SLIT3: variants seen among roughly 807,000 people sequenced by gnomAD.
SLIT3 encodes slit homolog 3 protein.
In SLIT3, 68 loss-of-function variants were observed where a neutral mutation model predicts 184.0. The ratio of observed to expected loss-of-function variants is 0.37; its 90% CI spans 0.30 to 0.45. The LOEUF (loss-of-function observed/expected upper bound fraction) is 0.45. Among genes scored for constraint, SLIT3 ranks in the 20% least tolerant of loss-of-function variants. The pLI, the probability that SLIT3 is intolerant of heterozygous loss-of-function variation, is 1.00. For synonymous variants in SLIT3, 831 were observed against 828.6 expected (o/e 1.00, Z -0.05); for missense variants, 1,707 against 2,026.0 (o/e 0.84, Z 3.02).
chr5:168,724,948 T>C (rs1763060847), intron 20 of SLIT3, among the ~76,000 whole-genome samples: 2 of 152,194 alleles, frequency 1.3e-5, no homozygotes, highest in African/African-American at 2.4e-5. Context: ...AACCCAGCTC[T>C]GACTGTAGTC....
At chr5:168,856,686 GCTC>G (rs1320793547) in intron 5 of SLIT3, among the ~76,000 whole-genome samples, 2 of 151,892 alleles carry the variant, frequency 1.3e-5, no homozygotes, top group Non-Finnish European at 2.9e-5. Flanking sequence ...CCACACCACT[GCTC>G]CTCCTTTTGC....
chr5:168,925,289 C>T (rs988234063), intron 4 of SLIT3, among the ~76,000 whole-genome samples: 10 of 152,140 alleles, frequency 6.6e-5, no homozygotes, highest in African/African-American at 1.4e-4. Flanking sequence ...GCAGAACTGA[C>T]GCACCAAGGG....
chr5:169,118,364 G>A (rs1232435752), intron 4 of SLIT3, among the ~76,000 whole-genome samples: 1 of 152,158 alleles, frequency 6.6e-6, no homozygotes, highest in East Asian at 1.9e-4. Flanking sequence ...TGCATTGGTT[G>A]GTCATCTTCT....
intron 4 of SLIT3, among the ~76,000 whole-genome samples, chr5:169,074,320 A>G (rs940080936): frequency 5.3e-5 from 8 of 152,086 alleles, no homozygotes; most frequent in African/African-American, 1.9e-4. Context: ...TTTTTAACGC[A>G]TTCCTTTTCT....
intron 4 of SLIT3, among the ~76,000 whole-genome samples, chr5:168,930,921 A>G (rs1197556859): frequency 6.6e-6 from 1 of 152,122 alleles, no homozygotes; most frequent in Non-Finnish European, 1.5e-5. Context: ...CCCAGTGAAG[A>G]TGAAACATCC....
At chr5:169,021,535 G>C (rs1756596450) in intron 4 of SLIT3, among the ~76,000 whole-genome samples, 1 of 152,088 alleles carries the variant, frequency 6.6e-6, no homozygotes, top group Non-Finnish European at 1.5e-5. Context: ...ATTTTTAGTA[G>C]AGACGGGGTT....
At chr5:169,168,784 T>C (rs937232252) in intron 4 of SLIT3, among the ~76,000 whole-genome samples, 7 of 152,182 alleles carry the variant, frequency 4.6e-5, no homozygotes, top group Non-Finnish European at 7.4e-5. Flanking sequence ...TGATGGCTGA[T>C]GGCTGAAGTC....
intron 4 of SLIT3, among the ~76,000 whole-genome samples, chr5:168,893,128 T>C (rs1293320693): frequency 6.6e-6 from 1 of 152,236 alleles, no homozygotes; most frequent in African/African-American, 2.4e-5. Flanking sequence ...AAAGATCTAA[T>C]TGAGTACCTG....
intron 4 of SLIT3, among the ~76,000 whole-genome samples, chr5:169,100,242 A>G (rs1394645452): frequency 6.6e-6 from 1 of 152,162 alleles, no homozygotes; most frequent in African/African-American, 2.4e-5. Context: ...GGGCCCAAGA[A>G]AACAGTGGTA....
In SLIT3 at chr5:168,712,189, C is replaced by T. The variant is rs948759683; in HGVS notation, c.2555+94G>A. The T allele has an allele frequency of 6.6e-6, 7 of 1,063,946 alleles. No homozygotes were observed. The Admixed American group carries it at 1.2e-4, about 18-fold the overall frequency. 65.9% of individuals were successfully genotyped at this position (1,063,946 alleles called of 1,614,324 possible). On this transcript the variant is annotated intron_variant, in intron 24 of 35. Coordinates refer to ENST00000519560, the MANE Select transcript of SLIT3 (RefSeq NM_003062.4). ...ATATACTGTATGCATAAGGAAAGGA[C>T]ATCTGCCAAAATGCTGACAGTGATG...
chr5:168,675,076 C>T (rs374548436), intron 32 of SLIT3, among the ~76,000 whole-genome samples: 5 of 152,250 alleles, frequency 3.3e-5, no homozygotes, highest in Admixed American at 2.6e-4. Context: ...CTCTTTCCAG[C>T]GCTCCACCCT....
At chr5:168,690,479 C>A (rs927389351) in intron 29 of SLIT3, among the ~76,000 whole-genome samples, 2 of 152,192 alleles carry the variant, frequency 1.3e-5, no homozygotes, top group African/African-American at 2.4e-5. Context: ...CCCGGGCATG[C>A]CCAGAGCACT....
intron 4 of SLIT3, among the ~76,000 whole-genome samples, chr5:169,155,177 A>G (rs1296948411): frequency 2.0e-5 from 3 of 152,210 alleles, no homozygotes; most frequent in African/African-American, 4.8e-5. Flanking sequence ...TGCGAGTCAG[A>G]TAGGGACCAA....
intron 5 of SLIT3, among the ~76,000 whole-genome samples, chr5:168,855,342 A>T (rs774216286): frequency 2.0e-5 from 3 of 152,274 alleles, no homozygotes; most frequent in Non-Finnish European, 4.4e-5. Flanking sequence ...TAGACTTACC[A>T]TATGACCCAG....
At chr5:168,791,397 G>A (rs556717317) in intron 10 of SLIT3, 2 of 152,372 alleles carry the variant, frequency 1.3e-5, no homozygotes, top group Non-Finnish European at 2.9e-5. Context: ...CGGTTTGGAG[G>A]TGCTGGAGAG....
chr5:169,108,353 G>T (rs60243343), intron 4 of SLIT3, among the ~76,000 whole-genome samples: 9,081 of 152,292 alleles, frequency 0.06, 366 homozygotes, highest in Middle Eastern at 0.16. Flanking sequence ...GATATAGACA[G>T]AGCTGGCACA....
At chr5:169,141,500 GA>G (rs1761738712) in intron 4 of SLIT3, among the ~76,000 whole-genome samples, 1 of 151,876 alleles carries the variant, frequency 6.6e-6, no homozygotes, top group South Asian at 2.1e-4. Flanking sequence ...AGTACTTTGG[GA>G]GGCCAAGGTG....
intron 7 of SLIT3, among the ~76,000 whole-genome samples, chr5:168,819,567 A>C (rs1757452865): frequency 6.6e-6 from 1 of 152,230 alleles, no homozygotes; most frequent in Non-Finnish European, 1.5e-5. Flanking sequence ...CTATGAGCCA[A>C]GGAGCATGTG....
chr5:169,153,113 C>T (rs746534112), intron 4 of SLIT3, among the ~76,000 whole-genome samples: 17 of 152,222 alleles, frequency 1.1e-4, no homozygotes, highest in Admixed American at 3.9e-4. Flanking sequence ...GACATCACTT[C>T]GGCTGACGTG....
Sources: gnomAD v4.1 joint callset for allele counts (sites outside exome capture counted in the v4.1 genomes callset) on GRCh38, gnomAD v4.1.1 for gene constraint, MANE v1.5 for transcripts, NCBI Gene and HGNC (gene_info 2026-07-23, HGNC 2026-07-21) for gene names.